The following GPR89A variants were observed in gnomAD, a reference collection of about 807,000 sequenced individuals.
GPR89A encodes the protein G protein-coupled receptor 89A.
A neutral mutation model predicts 52.0 loss-of-function variants in GPR89A; 16 were observed. The observed-to-expected ratio is 0.31, with a 90% confidence interval of 0.21 to 0.47. The LOEUF is 0.47. GPR89A is among the 20% of genes least tolerant of loss of function. The pLI is 1.00. For missense variants in GPR89A, 135 were observed against 449.4 expected (o/e 0.30, Z 6.33); for synonymous variants, 55 against 150.9 (o/e 0.36, Z 4.66).
intron 10 of GPR89A, among the ~76,000 whole-genome samples, chr1:145,649,851 C>T (rs1198405272): frequency 1.3e-5 from 2 of 151,874 alleles, no homozygotes; most frequent in Non-Finnish European, 2.9e-5. Context: ...CTAATAGATA[C>T]GAGGTGATAT....
intron 10 of GPR89A, among the ~76,000 whole-genome samples, chr1:145,662,069 CTGTA>C (rs1553695661): frequency 6.6e-6 from 1 of 151,948 alleles, no homozygotes; most frequent in East Asian, 1.9e-4. Flanking sequence ...AATGTCTTAC[CTGTA>C]TGTGAGTAGA....
intron 3 of GPR89A, among the ~76,000 whole-genome samples, chr1:145,620,021 AT>A (rs1649029803): frequency 6.6e-6 from 1 of 150,586 alleles, no homozygotes; most frequent in African/African-American, 2.5e-5. Context: ...TCTCAAAAAA[AT>A]AAATAAATAA....
intron 10 of GPR89A, among the ~76,000 whole-genome samples, chr1:145,657,651 C>T (rs1553694758): frequency 1.3e-5 from 2 of 151,582 alleles, no homozygotes; most frequent in Non-Finnish European, 2.9e-5. Flanking sequence ...TTTTAAACTA[C>T]CAATTCATTT....
chr1:145,629,034 A>C (rs1553689418), intron 5 of GPR89A, among the ~76,000 whole-genome samples: 1 of 152,206 alleles, frequency 6.6e-6, no homozygotes, highest in Non-Finnish European at 1.5e-5. Flanking sequence ...GAAGGGATTG[A>C]ATACAATCAA....
At chr1:145,618,870 T>C (rs1202457249) in intron 3 of GPR89A, among the ~76,000 whole-genome samples, 1 of 144,348 alleles carries the variant, frequency 6.9e-6, no homozygotes, top group Non-Finnish European at 1.5e-5. Flanking sequence ...TTTATTGATT[T>C]TACAGTCATG....
At chr1:145,620,840 T>C (rs1649094113) in intron 3 of GPR89A, among the ~76,000 whole-genome samples, 1 of 152,196 alleles carries the variant, frequency 6.6e-6, no homozygotes, top group South Asian at 2.1e-4. Context: ...CACTTTACTC[T>C]CAGCTCAAAA....
At chr1:145,614,525 C>G (rs1571462463) in intron 1 of GPR89A, among the ~76,000 whole-genome samples, 1 of 151,996 alleles carries the variant, frequency 6.6e-6, no homozygotes, top group Non-Finnish European at 1.5e-5. Context: ...ATGTAGACCA[C>G]TTAGCCATTC....
intron 8 of GPR89A, chr1:145,645,794 C>T: frequency 2.6e-6 from 1 of 385,810 alleles, no homozygotes; most frequent in South Asian, 2.0e-5. Flanking sequence ...AGTATTAGTT[C>T]CCTTTTCTAA....
intron 7 of GPR89A, among the ~76,000 whole-genome samples, chr1:145,634,883 G>A (rs1423154672): frequency 1.1e-4 from 17 of 151,978 alleles, no homozygotes; most frequent in Admixed American, 7.9e-4. Context: ...CCTAGTTTAC[G>A]CCAGGCACTG....
intron 3 of GPR89A, among the ~76,000 whole-genome samples, chr1:145,619,946 C>T (rs587646526): frequency 6.6e-6 from 1 of 152,040 alleles, no homozygotes; most frequent in African/African-American, 2.4e-5. Flanking sequence ...ACCCAGGAGG[C>T]AGAGCTTGCA....
chr1:145,665,747 C>G, intron 12 of GPR89A, 96 bp downstream of exon 12: 1 of 620,952 alleles, frequency 1.6e-6, no homozygotes. Flanking sequence ...GTAATCCCAA[C>G]ACTTTGGAAG....
At chr1:145,609,622 A>G (rs190670522) in intron 1 of GPR89A, among the ~76,000 whole-genome samples, 16 of 152,370 alleles carry the variant, frequency 1.1e-4, no homozygotes, top group African/African-American at 3.8e-4. Flanking sequence ...CATTTAGAAT[A>G]AAGATAAGAA....
intron 10 of GPR89A, among the ~76,000 whole-genome samples, chr1:145,655,262 T>C (rs782543268): frequency 2.2e-4 from 34 of 152,204 alleles, no homozygotes; most frequent in African/African-American, 4.3e-4. Flanking sequence ...CTCAGCAATG[T>C]TTGTTACTGC....
rs1185298777 is a variant in GPR89A at position 145,608,052 on chromosome 1, C to T, written c.-82C>T. On this transcript the variant is annotated 5_prime_UTR_variant, in exon 1 of 14. Coordinates refer to ENST00000313835, the MANE Select transcript of GPR89A (RefSeq NM_001097612.2). ...CTGCAGCACCTGGGAGAAGGCAGAC[C>T]GTGTGAGGGGGCCTGTGGCCCCAGC... 7.7e-6 allele frequency: 12 copies of T among 1,549,172 alleles called. No homozygotes were observed. Among genetic ancestry groups the T allele is most frequent in the African/African-American group, 5.5e-5 (4 of 72,290 alleles).
chr1:145,624,635 A>T (rs1218080130), intron 5 of GPR89A, among the ~76,000 whole-genome samples: 1 of 148,610 alleles, frequency 6.7e-6, no homozygotes, highest in Admixed American at 6.7e-5. Flanking sequence ...ATACAGTATC[A>T]GGCAATTTAT....
At chr1:145,637,479 ATTAACTGC>A (rs1249480934) in intron 7 of GPR89A, among the ~76,000 whole-genome samples, 3 of 152,144 alleles carry the variant, frequency 2.0e-5, no homozygotes, top group African/African-American at 7.2e-5. Context: ...GTTTAAGTAA[ATTAACTGC>A]TTACTAGTAC....
At chr1:145,640,123 G>A (rs1553691498) in intron 7 of GPR89A, among the ~76,000 whole-genome samples, 2 of 151,102 alleles carry the variant, frequency 1.3e-5, no homozygotes, top group Non-Finnish European at 2.9e-5. Context: ...AGAGGCTGAG[G>A]CAGGAGAATT....
At position 145,616,288 on chromosome 1, in the gene GPR89A, T is replaced by G. The variant is rs587721174; in HGVS notation, c.97T>G (p.Tyr33Asp). 46 of 1,606,300 alleles carry G rather than the reference T, an allele frequency of 2.9e-5. No individual in the cohort carries two copies. Among genetic ancestry groups the G allele is most frequent in the Non-Finnish European group, 3.7e-5 (44 of 1,175,518 alleles). Residue 33 changes from tyrosine (Y) to aspartate (D), a missense_variant, in exon 2 of 14, where the codon TAT becomes GAT. Physicochemically the swap from Tyr to Asp is radical, Grantham distance 160. This residue lies in a region of GPR89A where 38 missense variants were observed against 40.2 expected (regional missense o/e 0.95). Transcript: ENST00000313835. The part of the protein sequence containing the change: ...LFFMRQLFKD[Y>D]EIRQYVVQVI... ...CTTCATGCGCCAATTGTTTAAAGACTATGAGGTGAGAAGAAATCATTTTGT... is the reference window on the plus strand; with the variant it reads ...CTTCATGCGCCAATTGTTTAAAGACGATGAGGTGAGAAGAAATCATTTTGT...
chr1:145,627,696 TA>T (rs1165392287), intron 5 of GPR89A, among the ~76,000 whole-genome samples: 1 of 151,886 alleles, frequency 6.6e-6, no homozygotes, highest in East Asian at 1.9e-4. Context: ...TATAAATAAA[TA>T]ATTGCCAATT....
Sources: allele counts gnomAD v4.1 joint callset (sites outside exome capture counted in the v4.1 genomes callset), GRCh38; gene constraint gnomAD v4.1.1; regional missense constraint gnomAD v4.1.1; transcripts MANE v1.5; gene names NCBI Gene and HGNC (gene_info 2026-07-23, HGNC 2026-07-21).